SAMD3: variants seen among roughly 807,000 people sequenced by gnomAD.
The protein encoded by SAMD3 is sterile alpha motif domain containing 3, also known as sterile alpha motif domain-containing protein 3.
In SAMD3, 63 loss-of-function variants were observed where a neutral mutation model predicts 58.5. That is an observed-to-expected ratio of 1.08 (90% CI 0.88 to 1.33). SAMD3 has a LOEUF of 1.33. Ranked by LOEUF, SAMD3 falls within the 40% of genes most tolerant of loss-of-function variation. The pLI, the probability that SAMD3 is intolerant of heterozygous loss-of-function variation, is 0.00. For missense variants in SAMD3, 604 were observed against 608.4 expected (o/e 0.99, Z 0.08); for synonymous variants, 220 against 210.3 (o/e 1.05, Z -0.40).
chr6:130,241,836 G>T (rs1272699635), intron 2 of SAMD3, among the ~76,000 whole-genome samples: 1 of 151,022 alleles, frequency 6.6e-6, no homozygotes, highest in Non-Finnish European at 1.5e-5. Context: ...AATTTTTTTT[G>T]AAAGAGGGCA....
intron 8 of SAMD3, among the ~76,000 whole-genome samples, chr6:130,164,085 GAA>G (rs60129721): frequency 1.5e-5 from 2 of 137,462 alleles, no homozygotes; most frequent in Admixed American, 7.4e-5. Context: ...AAAGTAGGTT[GAA>G]AAAAAAAAAA....
chr6:130,182,886 T>C (rs1192071899), intron 7 of SAMD3: 1 of 154,004 alleles, frequency 6.5e-6, no homozygotes, highest in African/African-American at 2.4e-5. Flanking sequence ...TGTGTATGCA[T>C]ATGGCATATA....
At chr6:130,363,802 C>CA (rs1046851908) in intron 1 of SAMD3, among the ~76,000 whole-genome samples, 28 of 152,174 alleles carry the variant, frequency 1.8e-4, no homozygotes, top group African/African-American at 6.5e-4. Context: ...ATAGACACAG[C>CA]AAAAAATATT....
chr6:130,180,953 C>CTTTTTTT lies in SAMD3; in HGVS notation c.654+3149_654+3150insAAAAAAA, dbSNP rs370213784. On this transcript the variant is annotated intron_variant, in intron 7 of 11. Coordinates refer to ENST00000439090, the MANE Select transcript of SAMD3 (RefSeq NM_001017373.4). ...TTTTCTTTTTTCTTTTTCTTTCTTT[C>CTTTTTTT]TTTTTTCTTTTGAGACGGAGTTCCG... Among the ~76,000 whole-genome samples, 46 of 117,328 alleles carry CTTTTTTT rather than the reference C, an allele frequency of 3.9e-4. 1 individual carries two copies. Among genetic ancestry groups the CTTTTTTT allele is most frequent in the South Asian group, 1.1e-3 (4 of 3,652 alleles). The allele number at this position is 117,328 out of a possible 152,430, so 77.0% of individuals were successfully genotyped here.
At chr6:130,194,391 T>C (rs1349140079) in intron 5 of SAMD3, among the ~76,000 whole-genome samples, 2 of 152,238 alleles carry the variant, frequency 1.3e-5, no homozygotes, top group African/African-American at 2.4e-5. Context: ...AATCTGCTCC[T>C]GACATTAAAT....
At chr6:130,293,252 G>T (rs1775443878) in intron 2 of SAMD3, among the ~76,000 whole-genome samples, 1 of 152,164 alleles carries the variant, frequency 6.6e-6, no homozygotes, top group Non-Finnish European at 1.5e-5. Context: ...GAAAAGGAAT[G>T]CTATGATTGA....
chr6:130,191,009 G>A (rs558236456), intron 5 of SAMD3, among the ~76,000 whole-genome samples: 1 of 151,704 alleles, frequency 6.6e-6, no homozygotes, highest in South Asian at 2.1e-4. Context: ...ATAGTTTAAA[G>A]ACCAAGTATA....
chr6:130,286,141 A>G (rs1562499439), intron 2 of SAMD3: 1 of 152,246 alleles, frequency 6.6e-6, no homozygotes, highest in Non-Finnish European at 1.5e-5. Flanking sequence ...TAAGATTGAA[A>G]CTAAGTTTGT....
chr6:130,348,784 A>G (rs1368771605), intron 1 of SAMD3, among the ~76,000 whole-genome samples: 1 of 152,234 alleles, frequency 6.6e-6, no homozygotes, highest in African/African-American at 2.4e-5. Context: ...CAGTCTTTTC[A>G]GCACCACACC....
intron 2 of SAMD3, among the ~76,000 whole-genome samples, chr6:130,269,158 T>C (rs970736324): frequency 6.6e-6 from 1 of 152,200 alleles, no homozygotes; most frequent in Non-Finnish European, 1.5e-5. Flanking sequence ...GTTGAGGTTC[T>C]TTTATTTTTT....
intron 1 of SAMD3, among the ~76,000 whole-genome samples, chr6:130,355,363 G>A (rs1372205208): frequency 6.6e-6 from 1 of 152,182 alleles, no homozygotes; most frequent in Non-Finnish European, 1.5e-5. Context: ...GGCGGAGGTT[G>A]CAATGAGCTG....
At chr6:130,355,722 T>C (rs1777809538) in intron 1 of SAMD3, among the ~76,000 whole-genome samples, 1 of 152,084 alleles carries the variant, frequency 6.6e-6, no homozygotes, top group African/African-American at 2.4e-5. Context: ...TGAGGCAAGA[T>C]GACATGACAG....
chr6:130,145,616 C>T (rs1007013000), intron 10 of SAMD3, among the ~76,000 whole-genome samples, 194 bp from the exon 11 acceptor site: 11 of 152,136 alleles, frequency 7.2e-5, no homozygotes, highest in Non-Finnish European at 1.5e-4. Context: ...ATCTGCCCTC[C>T]AGAGCACTTC....
At chr6:130,299,867 A>T (rs968082445) in intron 2 of SAMD3, among the ~76,000 whole-genome samples, 2 of 152,172 alleles carry the variant, frequency 1.3e-5, no homozygotes, top group Non-Finnish European at 2.9e-5. Flanking sequence ...ATAGAAAACG[A>T]ATAATTTTCT....
chr6:130,232,704 A>G (rs1365758852), intron 2 of SAMD3, among the ~76,000 whole-genome samples: 1 of 152,192 alleles, frequency 6.6e-6, no homozygotes, highest in African/African-American at 2.4e-5. Flanking sequence ...GAAAGATCAT[A>G]ACTGTACCTG....
chr6:130,209,447 A>G, intron 5 of SAMD3, 48 bp downstream of exon 5: 2 of 971,574 alleles, frequency 2.1e-6, no homozygotes, highest in East Asian at 2.5e-5. Context: ...AAAGAAATAG[A>G]GAAGAATGTT....
At position 130,318,932 on chromosome 6, in the gene SAMD3, G is replaced by T. The variant is rs535733765; in HGVS notation, c.-303-5839C>A. 2.4e-3 allele frequency among the ~76,000 whole-genome samples: 361 copies of T among 152,254 alleles called. 5 individuals are homozygous for T. Among genetic ancestry groups the T allele is most frequent in the Middle Eastern group, 0.01 (3 of 294 alleles). On this transcript the variant is annotated intron_variant, in intron 1 of 13. Coordinates refer to the SAMD3 transcript ENST00000368134. ...TATTTATGGAGCTAGAGAAAAGATTGAACTGTTAGTTATAGATATGAAGAT... is the reference window on the plus strand; with the variant it reads ...TATTTATGGAGCTAGAGAAAAGATTTAACTGTTAGTTATAGATATGAAGAT...
At position 130,144,856 on chromosome 6, in the gene SAMD3, A is replaced by G. The variant is rs1287566301; in HGVS notation, c.1279-52T>C. 3.4e-6 allele frequency: 5 copies of G among 1,454,444 alleles called. No homozygotes were observed. The African/African-American group carries it at 5.7e-5, about 17-fold the overall frequency. 90.1% of individuals were successfully genotyped at this position (1,454,444 alleles called of 1,614,324 possible). A position where few individuals can be genotyped will look rare whatever the true frequency, so the allele number is the denominator to read the frequency against. ...ATGATACGTAAAATAGCTAAATAAT[A>G]AAACATCTGAACTTAATCATGGTAT... On this transcript the variant is annotated intron_variant, in intron 11 of 11. Transcript: ENST00000439090.
intron 1 of SAMD3, among the ~76,000 whole-genome samples, chr6:130,349,008 T>C (rs866651075): frequency 6.6e-6 from 1 of 151,996 alleles, no homozygotes; most frequent in Admixed American, 6.5e-5. Flanking sequence ...AAGGCAGAAA[T>C]AAAGATGTTC....
Sources: gnomAD v4.1 joint callset for allele counts (sites outside exome capture counted in the v4.1 genomes callset) on GRCh38, gnomAD v4.1.1 for gene constraint, MANE v1.5 for transcripts, NCBI Gene and HGNC (gene_info 2026-07-23, HGNC 2026-07-21) for gene names.